CCDC171: variants seen among roughly 807,000 people sequenced by gnomAD.
CCDC171 encodes the protein coiled-coil domain containing 171, also known as coiled-coil domain-containing protein 171.
In CCDC171, 177 loss-of-function variants were observed where a neutral mutation model predicts 168.2. That is an observed-to-expected ratio of 1.05 (90% CI 0.93 to 1.19). The LOEUF (loss-of-function observed/expected upper bound fraction) is 1.19. Among genes scored for constraint, CCDC171 ranks in the 50% most tolerant of loss-of-function variants. The probability of loss-of-function intolerance (pLI) is 0.00; values close to 1 mark genes in which losing one functional copy is unlikely to be tolerated. For missense variants in CCDC171, 1,991 were observed against 1,539.0 expected, an observed-to-expected ratio of 1.29 and a Z score of -4.91; for synonymous variants, 687 against 540.8, an observed-to-expected ratio of 1.27 and a Z score of -3.75.
chr9:15,796,191 A>G (rs2058547606), intron 21 of CCDC171, among the ~76,000 whole-genome samples: 1 of 152,238 alleles, frequency 6.6e-6, no homozygotes, highest in African/African-American at 2.4e-5. Context: ...AGACATGAAA[A>G]TATAGTCATG....
At chr9:15,789,752 TC>T (rs1291024313) in intron 21 of CCDC171, among the ~76,000 whole-genome samples, 1 of 95,010 alleles carries the variant, frequency 1.1e-5, no homozygotes, top group African/African-American at 4.0e-5. Flanking sequence ...ACCTTCCCCC[TC>T]CCCCCACCCT....
intron 10 of CCDC171, among the ~76,000 whole-genome samples, chr9:15,686,586 AC>A (rs2133577782): frequency 6.6e-6 from 1 of 152,216 alleles, no homozygotes; most frequent in Non-Finnish European, 1.5e-5. Context: ...TATACCATGC[AC>A]CCAATAAAAA....
intron 1 of CCDC171, among the ~76,000 whole-genome samples, chr9:16,057,656 C>T (rs944825446): frequency 3.3e-5 from 5 of 152,168 alleles, no homozygotes; most frequent in Non-Finnish European, 7.3e-5. Context: ...CACTGGGTCC[C>T]CAGCCCCAAA....
chr9:15,951,328 T>C (rs1589227234), intron 25 of CCDC171, among the ~76,000 whole-genome samples: 1 of 151,996 alleles, frequency 6.6e-6, no homozygotes, highest in South Asian at 2.1e-4. Flanking sequence ...TACATTTTTT[T>C]CAGCACCACA....
the CCDC171 span, among the ~76,000 whole-genome samples, chr9:16,069,273 G>T: frequency 6.6e-6 from 1 of 152,394 alleles, no homozygotes; most frequent in East Asian, 1.9e-4. Flanking sequence ...AGATATGTGT[G>T]TGTGTTACCA....
At chr9:15,789,704 A>G (rs1357306786) in intron 21 of CCDC171, among the ~76,000 whole-genome samples, 1 of 151,726 alleles carries the variant, frequency 6.6e-6, no homozygotes, top group Non-Finnish European at 1.5e-5. Flanking sequence ...TGCACCCATT[A>G]ACTAGTCATT....
At chr9:15,633,971 C>T (rs182332040) in intron 7 of CCDC171, among the ~76,000 whole-genome samples, 1 of 144,992 alleles carries the variant, frequency 6.9e-6, no homozygotes, top group Non-Finnish European at 1.5e-5. Flanking sequence ...GGGAATTGAA[C>T]AATGAGAACA....
At chr9:15,874,690 T>C (rs757062231) in intron 24 of CCDC171, 27 bp downstream of exon 24, 2 of 1,509,550 alleles carry the variant, frequency 1.3e-6, no homozygotes, top group Admixed American at 4.4e-5. Flanking sequence ...CATTGTTTGC[T>C]ACTGAGACAT....
intron 16 of CCDC171, among the ~76,000 whole-genome samples, chr9:15,731,660 A>G (rs1281090996): frequency 1.3e-5 from 2 of 152,090 alleles, no homozygotes; most frequent in South Asian, 2.1e-4. Flanking sequence ...ATTGCCACAA[A>G]CATTATTGTA....
At chr9:16,106,121 G>C in the CCDC171 span, among the ~76,000 whole-genome samples, 1 of 152,202 alleles carries the variant, frequency 6.6e-6, no homozygotes, top group Non-Finnish European at 1.5e-5. Flanking sequence ...TCCGGGGACA[G>C]TGGATGTTTT....
At chr9:15,859,643 T>TTTTGA (rs141218910) in intron 23 of CCDC171, among the ~76,000 whole-genome samples, 3,237 of 135,674 alleles carry the variant, frequency 0.024, 146 homozygotes, top group African/African-American at 0.083. Context: ...AATCTTTTTG[T>TTTTGA]TTTGTTTTGT....
At chr9:16,027,083 C>T (rs1309769660) in intron 6 of CCDC171, among the ~76,000 whole-genome samples, 1 of 152,162 alleles carries the variant, frequency 6.6e-6, no homozygotes, top group Non-Finnish European at 1.5e-5. Flanking sequence ...GGTGGTTTCT[C>T]AGCCCAAGGT....
intron 25 of CCDC171, among the ~76,000 whole-genome samples, chr9:15,961,415 A>G (rs915200636): frequency 6.6e-6 from 1 of 152,182 alleles, no homozygotes; most frequent in African/African-American, 2.4e-5. Context: ...TGGAAGTGCT[A>G]TTTGGAGTAA....
chr9:15,703,877 C>A (rs546455012), intron 11 of CCDC171, among the ~76,000 whole-genome samples: 57 of 152,128 alleles, frequency 3.7e-4, no homozygotes, highest in Non-Finnish European at 6.6e-4. Flanking sequence ...CTTCTATGGG[C>A]ATGGTTTGTG....
the CCDC171 span, among the ~76,000 whole-genome samples, chr9:16,094,217 TG>T: frequency 2.0e-5 from 3 of 152,320 alleles, no homozygotes; most frequent in East Asian, 3.9e-4. Flanking sequence ...TTAAAGTATT[TG>T]GATTATTCTT....
At chr9:16,074,814 T>G in the CCDC171 span, among the ~76,000 whole-genome samples, 3 of 152,132 alleles carry the variant, frequency 2.0e-5, no homozygotes, top group African/African-American at 4.8e-5. Context: ...GGGTAAGGTA[T>G]GAAAAATGGG....
At chr9:16,062,879 C>T (rs1833950742), downstream of CCDC171, among the ~76,000 whole-genome samples, 1 of 152,140 alleles carries the variant, frequency 6.6e-6, no homozygotes, top group Non-Finnish European at 1.5e-5. Flanking sequence ...TGCTTCCTTT[C>T]CAATTTGTAG....
chr9:15,752,701 A>AC (rs2055837232), intron 18 of CCDC171, among the ~76,000 whole-genome samples: 1 of 152,134 alleles, frequency 6.6e-6, no homozygotes, highest in Admixed American at 6.5e-5. Flanking sequence ...GTGAGAACAC[A>AC]CGGACACAGG....
At chr9:16,059,252 T>C (rs1833890907) in intron 1 of CCDC171, among the ~76,000 whole-genome samples, 3 of 152,234 alleles carry the variant, frequency 2.0e-5, no homozygotes, top group Admixed American at 2.0e-4. Flanking sequence ...CGAATGTTTC[T>C]GTTTTACACT....
Sources: allele counts gnomAD v4.1 joint callset (sites outside exome capture counted in the v4.1 genomes callset), GRCh38; gene constraint gnomAD v4.1.1; transcripts MANE v1.5; gene names NCBI Gene and HGNC (gene_info 2026-07-23, HGNC 2026-07-21).